Variants in GPC6 observed in about 807,000 individuals in gnomAD.
GPC6 encodes glypican-6.
GPC6 carries 14 observed loss-of-function variants against 55.2 expected under a neutral mutation model. The ratio of observed to expected loss-of-function variants is 0.25; its 90% CI spans 0.17 to 0.40. GPC6 has a LOEUF of 0.40. Among genes scored for constraint, GPC6 ranks in the 10% least tolerant of loss-of-function variants. The pLI is 1.00. For missense variants in GPC6, 641 were observed against 708.5 expected (o/e 0.90, Z 1.08); for synonymous variants, 278 against 259.6 (o/e 1.07, Z -0.68).
intron 6 of GPC6, among the ~76,000 whole-genome samples, chr13:94,341,016 G>A (rs1178546722): frequency 6.6e-6 from 1 of 152,172 alleles, no homozygotes; most frequent in Non-Finnish European, 1.5e-5. Flanking sequence ...GTTACCTCTT[G>A]CTTCTTAGGT....
intron 2 of GPC6, among the ~76,000 whole-genome samples, chr13:93,671,039 C>T (rs1881337325): frequency 6.6e-6 from 1 of 152,140 alleles, no homozygotes; most frequent in Non-Finnish European, 1.5e-5. Context: ...CTTTTTAAAG[C>T]CATCTGCTTA....
chr13:93,716,373 G>T (rs930488816), intron 2 of GPC6, among the ~76,000 whole-genome samples: 2 of 151,576 alleles, frequency 1.3e-5, no homozygotes, highest in African/African-American at 4.8e-5. Context: ...TTCAGGTCTT[G>T]TCCCTGAAGA....
intron 1 of GPC6, among the ~76,000 whole-genome samples, chr13:93,324,965 T>A (rs1879604029): frequency 6.6e-6 from 1 of 152,114 alleles, no homozygotes; most frequent in Non-Finnish European, 1.5e-5. Context: ...GGAGCCAGCG[T>A]GAAACCTACC....
At chr13:94,242,318 T>G (rs1891079291) in intron 4 of GPC6, among the ~76,000 whole-genome samples, 1 of 152,074 alleles carries the variant, frequency 6.6e-6, no homozygotes. Flanking sequence ...AGTTCAATCA[T>G]TATGGAAGTC....
At chr13:94,143,947 T>G (rs1158235031) in intron 4 of GPC6, among the ~76,000 whole-genome samples, 1 of 152,196 alleles carries the variant, frequency 6.6e-6, no homozygotes, top group Non-Finnish European at 1.5e-5. Context: ...GATCTGGACA[T>G]CAGCGATTGT....
intron 3 of GPC6, among the ~76,000 whole-genome samples, chr13:93,952,854 G>GTATATATATGTATATATATACA (rs71801774): frequency 6.9e-6 from 1 of 144,204 alleles, no homozygotes; most frequent in Admixed American, 7.0e-5. Context: ...ATATATATAC[G>GTATATATATGTATATATATACA]TATATATATG....
At chr13:93,316,455 A>T (rs770051533) in intron 1 of GPC6, among the ~76,000 whole-genome samples, 1 of 152,106 alleles carries the variant, frequency 6.6e-6, no homozygotes, top group African/African-American at 2.4e-5. Flanking sequence ...TAAGTGTTAC[A>T]GGAGAACACA....
intron 2 of GPC6, among the ~76,000 whole-genome samples, chr13:93,596,391 T>G (rs1432073932): frequency 6.6e-6 from 1 of 151,200 alleles, no homozygotes; most frequent in Non-Finnish European, 1.5e-5. Context: ...ATGAGACGAG[T>G]TAGGGGGAAT....
chr13:93,260,771 A>G (rs571442926), intron 1 of GPC6, among the ~76,000 whole-genome samples: 6 of 152,234 alleles, frequency 3.9e-5, no homozygotes, highest in Non-Finnish European at 8.8e-5. Flanking sequence ...GCAAACTGGT[A>G]TCAGATTACC....
intron 1 of GPC6, among the ~76,000 whole-genome samples, chr13:93,482,717 T>A (rs1434554716): frequency 2.0e-5 from 3 of 152,134 alleles, no homozygotes; most frequent in Admixed American, 1.3e-4. Context: ...TAAAATATAC[T>A]GGGATTCATA....
intron 4 of GPC6, among the ~76,000 whole-genome samples, chr13:94,032,207 C>A (rs1032160620): frequency 1.3e-5 from 2 of 152,288 alleles, no homozygotes; most frequent in South Asian, 4.1e-4. Flanking sequence ...ATTCAACTCA[C>A]TATATTGGGT....
intron 2 of GPC6, among the ~76,000 whole-genome samples, chr13:93,797,274 A>C (rs1044482532): frequency 1.1e-4 from 16 of 152,220 alleles, no homozygotes; most frequent in South Asian, 1.0e-3. Context: ...TTGTGTACCA[A>C]GGGTAAATAT....
intron 1 of GPC6, among the ~76,000 whole-genome samples, chr13:93,507,580 A>C (rs1447813293): frequency 1.3e-5 from 2 of 152,250 alleles, no homozygotes; most frequent in African/African-American, 2.4e-5. Context: ...TGATATAGCC[A>C]GCAAATATCT....
At chr13:93,772,706 G>A (rs926963673) in intron 2 of GPC6, among the ~76,000 whole-genome samples, 4 of 152,124 alleles carry the variant, frequency 2.6e-5, no homozygotes, top group South Asian at 4.1e-4. Context: ...TGTGGAGGAA[G>A]AGTAATGAAA....
intron 3 of GPC6, among the ~76,000 whole-genome samples, chr13:93,896,812 A>G (rs982723709): frequency 3.9e-5 from 6 of 152,170 alleles, no homozygotes; most frequent in Non-Finnish European, 5.9e-5. Context: ...CAACAGAAAA[A>G]CTGAGAATTT....
chr13:93,527,408 A>C (rs1881697055), intron 1 of GPC6, among the ~76,000 whole-genome samples: 1 of 152,086 alleles, frequency 6.6e-6, no homozygotes, highest in Non-Finnish European at 1.5e-5. Context: ...GATATGGGGT[A>C]TGTGCTTTAA....
rs531757289 is a variant in GPC6 at position 93,786,558 on chromosome 13, C to A, written c.320-43596C>A. 2.6e-5 allele frequency among the ~76,000 whole-genome samples: 4 copies of A among 151,592 alleles called. No individual in the cohort carries two copies. In the East Asian group the frequency reaches 7.8e-4, roughly 29 times the overall value. On this transcript the variant is annotated intron_variant, in intron 2 of 8. Transcript: ENST00000377047. Reference sequence around the variant, plus strand: ...ATACACAGCTACTATACATGGCCAGCCAGTCAGCTGTAAAATTTCCAGTTG... The same window carrying A: ...ATACACAGCTACTATACATGGCCAGACAGTCAGCTGTAAAATTTCCAGTTG...
chr13:94,037,021 C>A (rs1158205845), intron 4 of GPC6, among the ~76,000 whole-genome samples: 1 of 151,932 alleles, frequency 6.6e-6, no homozygotes, highest in Non-Finnish European at 1.5e-5. Flanking sequence ...GTTGAACATA[C>A]ATAGAAATGT....
chr13:94,110,827 G>A (rs1351644693), intron 4 of GPC6, among the ~76,000 whole-genome samples: 3 of 151,956 alleles, frequency 2.0e-5, no homozygotes, highest in East Asian at 1.9e-4. Context: ...TATATTATTC[G>A]ACAGTACATT....
Sources: allele counts gnomAD v4.1 joint callset (sites outside exome capture counted in the v4.1 genomes callset), GRCh38; gene constraint gnomAD v4.1.1; transcripts MANE v1.5; gene names NCBI Gene and HGNC (gene_info 2026-07-23, HGNC 2026-07-21).